RNF125: variants seen among roughly 807,000 people sequenced by gnomAD.
RNF125 encodes the protein E3 ubiquitin-protein ligase RNF125.
RNF125 carries 21 observed loss-of-function variants against 26.0 expected under a neutral mutation model. The ratio of observed to expected loss-of-function variants is 0.81; its 90% CI spans 0.57 to 1.16. The LOEUF (loss-of-function observed/expected upper bound fraction) is 1.16. Among genes scored for constraint, RNF125 ranks in the 50% most tolerant of loss-of-function variants. RNF125 has a pLI of 0.00. For synonymous variants in RNF125, 95 were observed against 109.2 expected (o/e 0.87, Z 0.81); for missense variants, 270 against 299.4 (o/e 0.90, Z 0.72).
downstream of RNF125, among the ~76,000 whole-genome samples, chr18:32,073,963 AT>A (rs1275607168): frequency 6.6e-6 from 1 of 152,226 alleles, no homozygotes. Flanking sequence ...AATCCTAAAG[AT>A]TTCAGCAAAG....
At chr18:32,031,606 A>G (rs1161366076) in intron 1 of RNF125, among the ~76,000 whole-genome samples, 1 of 151,100 alleles carries the variant, frequency 6.6e-6, no homozygotes, top group African/African-American at 2.4e-5. Context: ...TAAGTGTTGT[A>G]TTAGAAATGT....
At chr18:32,047,522 A>G (rs1463425467) in intron 4 of RNF125, among the ~76,000 whole-genome samples, 1 of 152,194 alleles carries the variant, frequency 6.6e-6, no homozygotes, top group Non-Finnish European at 1.5e-5. Context: ...GTCAATTTAT[A>G]TTTGTGTCAG....
intron 4 of RNF125, among the ~76,000 whole-genome samples, chr18:32,057,692 C>T (rs2039399014): frequency 6.6e-6 from 1 of 152,014 alleles, no homozygotes; most frequent in South Asian, 2.1e-4. Context: ...CCATTACAGC[C>T]TAGGTATTAG....
intron 4 of RNF125, among the ~76,000 whole-genome samples, chr18:32,048,652 G>T (rs917469021): frequency 1.3e-5 from 2 of 152,152 alleles, no homozygotes; most frequent in African/African-American, 4.8e-5. Flanking sequence ...AACCCCTGTG[G>T]TCTATAGCAA....
intron 1 of RNF125, among the ~76,000 whole-genome samples, chr18:32,024,143 T>C (rs1031107421): frequency 1.7e-4 from 25 of 149,108 alleles, no homozygotes; most frequent in African/African-American, 5.4e-4. Context: ...ACTTCTAAAC[T>C]AGACACAATT....
chr18:32,083,417 A>G, the RNF125 span, among the ~76,000 whole-genome samples: 2 of 152,208 alleles, frequency 1.3e-5, no homozygotes, highest in African/African-American at 4.8e-5. Context: ...TAAGGCTGGA[A>G]TTATTGAACT....
chr18:32,085,702 A>AAG, the RNF125 span, among the ~76,000 whole-genome samples: 1 of 91,134 alleles, frequency 1.1e-5, no homozygotes, highest in Non-Finnish European at 2.1e-5. Flanking sequence ...CGACTTATCA[A>AAG]AAAAAAAAAA....
Position 32,018,995 on chromosome 18 carries a change from A to G in RNF125, c.132A>G (p.Leu44=), listed in dbSNP as rs150801287. 4.3e-4 allele frequency: 686 copies of G among 1,613,462 alleles called. 4 individuals carry two copies. The African/African-American group carries it at 8.2e-3, about 19-fold the overall frequency. Residue 44 remains leucine (L), a synonymous_variant, in exon 1 of 6, where the codon TTA becomes TTG. Transcript: ENST00000217740. Reference sequence around the variant, plus strand: ...ACTGCGCCGTGTGCCTTGAGGTGTTACACCAGCCTGTCCGGACCCGCTGTG... The same window carrying G: ...ACTGCGCCGTGTGCCTTGAGGTGTTGCACCAGCCTGTCCGGACCCGCTGTG... ...SFDCAVCLEV[L]HQPVRTRCGH...
intron 4 of RNF125, among the ~76,000 whole-genome samples, chr18:32,056,889 T>C (rs2039390823): frequency 6.6e-6 from 1 of 152,204 alleles, no homozygotes; most frequent in South Asian, 2.1e-4. Flanking sequence ...TTATACATAA[T>C]AGACATACAG....
intron 1 of RNF125, among the ~76,000 whole-genome samples, chr18:32,029,299 C>T (rs2039069504): frequency 6.6e-6 from 1 of 152,032 alleles, no homozygotes; most frequent in South Asian, 2.1e-4. Context: ...GTGAGAGCCA[C>T]TAGATAACTT....
intron 4 of RNF125, among the ~76,000 whole-genome samples, chr18:32,047,198 G>A (rs568910310): frequency 2.6e-4 from 40 of 152,254 alleles, no homozygotes; most frequent in African/African-American, 9.1e-4. Flanking sequence ...CACCATGCCC[G>A]GCTAATTTTT....
rs1171797132 is a variant in RNF125 at position 32,068,399 on chromosome 18, A to C, written c.*15A>C. On this transcript the variant is annotated 3_prime_UTR_variant, in exon 6 of 6. Transcript: ENST00000217740. ...ACACCACATAATTTTATTAAAACGA[A>C]GGGAAAAGGGACCACTGAATTGCAC... is the stretch of plus-strand genomic sequence containing the variant. 7.0e-7 allele frequency: 1 copy of C among 1,428,622 alleles called. No homozygotes were observed. Among genetic ancestry groups the C allele is most frequent in the Non-Finnish European group, 9.9e-7 (1 of 1,011,926 alleles). 88.5% of individuals were successfully genotyped at this position (1,428,622 alleles called of 1,614,324 possible). A position where few individuals can be genotyped will look rare whatever the true frequency, so the allele number is the denominator to read the frequency against.
intron 1 of RNF125, among the ~76,000 whole-genome samples, 179 bp downstream of exon 1, chr18:32,019,206 C>A (rs562719863): frequency 6.6e-6 from 1 of 152,262 alleles, no homozygotes; most frequent in South Asian, 2.1e-4. Flanking sequence ...GAAGGTGACA[C>A]AGGATTTCGG....
chr18:32,043,776 TATATTA>T (rs2039241999), intron 3 of RNF125, among the ~76,000 whole-genome samples: 1 of 152,204 alleles, frequency 6.6e-6, no homozygotes, highest in African/African-American at 2.4e-5. Flanking sequence ...TTTTACAAGA[TATATTA>T]ATATTTTGAT....
At chr18:32,054,755 T>G (rs565687649) in intron 4 of RNF125, among the ~76,000 whole-genome samples, 33 of 152,244 alleles carry the variant, frequency 2.2e-4, no homozygotes, top group Admixed American at 1.6e-3. Flanking sequence ...ACTAGAAATC[T>G]TTTTCCCAAA....
In RNF125 at chr18:32,044,498, G is replaced by A. The variant is rs553932846; in HGVS notation, c.414-1144G>A. 4.6e-5 allele frequency among the ~76,000 whole-genome samples: 7 copies of A among 151,902 alleles called. No homozygotes were observed. In the South Asian group the frequency reaches 1.5e-3, roughly 32 times the overall value. ...ACATTCTTTTTTCTTTTTACATTAA[G>A]CCCTCAAAATTCAGCGTGTATCTTA... On this transcript the variant is annotated intron_variant, in intron 3 of 5. Transcript: ENST00000217740.
intron 1 of RNF125, among the ~76,000 whole-genome samples, chr18:32,029,619 CA>C (rs11369600): frequency 4.2e-4 from 62 of 146,992 alleles, no homozygotes; most frequent in East Asian, 1.2e-3. Context: ...GACCCTGCCT[CA>C]AAAAAAAAAA....
rs2039512128 is a variant in RNF125 at position 32,069,185 on chromosome 18, A to T, written c.*801A>T. 1 of 143,426 alleles carries T rather than the reference A, an allele frequency of 7.0e-6. No individual in the cohort carries two copies. Among genetic ancestry groups the T allele is most frequent in the Non-Finnish European group, 1.5e-5 (1 of 66,500 alleles). The allele number at this position is 143,426 out of a possible 1,614,324, so 8.9% of individuals were successfully genotyped here. On this transcript the variant is annotated 3_prime_UTR_variant, in exon 6 of 6. Coordinates refer to ENST00000217740, the MANE Select transcript of RNF125 (RefSeq NM_017831.4). ...CAGTACACTCCAGCCTGGGTAACAG[A>T]GCTAGACTCCATCTCAAAAAAAAAA...
intron 1 of RNF125, among the ~76,000 whole-genome samples, chr18:32,028,155 G>A (rs1172674320): frequency 5.9e-5 from 9 of 151,526 alleles, no homozygotes; most frequent in South Asian, 2.1e-4. Flanking sequence ...AAAATTAGCC[G>A]GGCATGGTGG....
Sources: allele counts gnomAD v4.1 joint callset (sites outside exome capture counted in the v4.1 genomes callset), GRCh38; gene constraint gnomAD v4.1.1; transcripts MANE v1.5; gene names NCBI Gene and HGNC (gene_info 2026-07-23, HGNC 2026-07-21).